The following DIP2C variants were observed in gnomAD, a reference collection of about 807,000 sequenced individuals.
The protein encoded by DIP2C is DIP2 acetate--CoA ligase C (putative).
DIP2C carries 33 observed loss-of-function variants against 192.4 expected under a neutral mutation model. The ratio of observed to expected loss-of-function variants is 0.17; its 90% CI spans 0.13 to 0.23. The LOEUF is 0.23. DIP2C is among the 10% of genes least tolerant of loss of function. DIP2C has a pLI of 1.00. For synonymous variants in DIP2C, 979 were observed against 864.1 expected (o/e 1.13, Z -2.33); for missense variants, 1,537 against 2,110.1 (o/e 0.73, Z 5.32).
chr10:441,061 C>T (rs1967688480), intron 3 of DIP2C, 65 bp from the exon 4 acceptor site: 2 of 1,541,312 alleles, frequency 1.3e-6, no homozygotes, highest in East Asian at 2.3e-5. Context: ...GCTGCACCCT[C>T]CTCTCTGTCC....
rs534479821 is a variant in DIP2C, at chr10:511,947, G to A, written c.86-25417C>T. On this transcript the variant is annotated intron_variant, in intron 1 of 36. Transcript: ENST00000280886. ...TCCAGCTGCTGCTGCCTGGCTGGCC[G>A]ACTGCGGGAGAAGAGCCTCTGGTAC... 1.4e-3 allele frequency among the ~76,000 whole-genome samples: 209 copies of A among 152,214 alleles called. 1 individual carries two copies. The highest frequency in any genetic ancestry group is 3.4e-3 in the Middle Eastern group (1 of 294).
intron 3 of DIP2C, among the ~76,000 whole-genome samples, chr10:452,471 G>C (rs1172717917): frequency 1.3e-5 from 2 of 152,176 alleles, no homozygotes; most frequent in Non-Finnish European, 2.9e-5. Context: ...ACTAAAGTGA[G>C]TCAGAATCTA....
rs999631161 is a variant in DIP2C, at chr10:289,957, A to G, written c.3987-1536T>C. Among the ~76,000 whole-genome samples, 3 of 152,236 alleles carry G rather than the reference A, an allele frequency of 2.0e-5. 1 individual carries two copies. Among genetic ancestry groups the G allele is most frequent in the Admixed American group, 6.5e-5 (1 of 15,288 alleles). On this transcript the variant is annotated intron_variant, in intron 32 of 36. Transcript: ENST00000280886. The stretch of plus-strand genomic sequence containing the variant: ...CTGGCTGTTGAGTGACTGAGGCCAC[A>G]GGACAATTCCTCCCCCCAGCCTGCT...
At chr10:614,101 G>A (rs963996155) in intron 1 of DIP2C, among the ~76,000 whole-genome samples, 7 of 152,190 alleles carry the variant, frequency 4.6e-5, no homozygotes, top group Admixed American at 3.3e-4. Flanking sequence ...CACACATCTG[G>A]ATTCAAGCTG....
At chr10:540,930 AAC>A (rs1847947230) in intron 1 of DIP2C, among the ~76,000 whole-genome samples, 1 of 152,172 alleles carries the variant, frequency 6.6e-6, no homozygotes, top group African/African-American at 2.4e-5. Context: ...TGATAGGACA[AAC>A]ACATGGTAGG....
chr10:524,651 T>G (rs1846942334), intron 1 of DIP2C, among the ~76,000 whole-genome samples: 5 of 152,210 alleles, frequency 3.3e-5, no homozygotes, highest in Non-Finnish European at 5.9e-5. Flanking sequence ...TCTCTAAGTA[T>G]TAGCGTTTTA....
intron 1 of DIP2C, chr10:649,910 CTGCGTCCCCG>C (rs1855745259): frequency 1.7e-6 from 1 of 581,436 alleles, no homozygotes; most frequent in Non-Finnish European, 3.1e-6. Context: ...TGCCCGTCAC[CTGCGTCCCCG>C]TGCGTCACGG....
intron 1 of DIP2C, among the ~76,000 whole-genome samples, chr10:661,587 C>A (rs1856764551): frequency 6.6e-6 from 1 of 152,192 alleles, no homozygotes; most frequent in African/African-American, 2.4e-5. Context: ...CGGCTCTGGG[C>A]TTTAGGGAAC....
chr10:490,724 T>C (rs1221774226), intron 1 of DIP2C, among the ~76,000 whole-genome samples: 1 of 152,052 alleles, frequency 6.6e-6, no homozygotes, highest in African/African-American at 2.4e-5. Context: ...GTGAGAAAAA[T>C]AAGTGATCTC....
At chr10:498,826 G>C (rs1333074878) in intron 1 of DIP2C, among the ~76,000 whole-genome samples, 1 of 152,148 alleles carries the variant, frequency 6.6e-6, no homozygotes, top group Admixed American at 6.5e-5. Flanking sequence ...CTGTGTGGGC[G>C]AATTAAGGAG....
intron 3 of DIP2C, among the ~76,000 whole-genome samples, chr10:456,459 G>A (rs1016019876): frequency 3.1e-5 from 4 of 128,618 alleles, no homozygotes; most frequent in African/African-American, 1.7e-4. Flanking sequence ...CCCTGCCTGA[G>A]GGGAGACTGT....
chr10:493,261 A>G (rs1844579192), intron 1 of DIP2C, among the ~76,000 whole-genome samples: 1 of 152,168 alleles, frequency 6.6e-6, no homozygotes, highest in Non-Finnish European at 1.5e-5. Context: ...GTGTCCTGGG[A>G]GTTAGAAATC....
intron 1 of DIP2C, among the ~76,000 whole-genome samples, chr10:560,483 T>C (rs967056381): frequency 3.9e-5 from 6 of 152,226 alleles, no homozygotes; most frequent in Non-Finnish European, 7.3e-5. Context: ...TCATAATGCC[T>C]GAAACTCGCG....
chr10:306,647 A>G (rs1384637097), intron 32 of DIP2C, among the ~76,000 whole-genome samples: 1 of 152,216 alleles, frequency 6.6e-6, no homozygotes, highest in Admixed American at 6.5e-5. Context: ...CAGTGCTTTT[A>G]GTGGCTCTCA....
At chr10:493,151 A>C (rs1198845510) in intron 1 of DIP2C, among the ~76,000 whole-genome samples, 1 of 152,244 alleles carries the variant, frequency 6.6e-6, no homozygotes, top group Non-Finnish European at 1.5e-5. Context: ...ATGCCCCAGC[A>C]GTCATCCTGG....
chr10:534,877 C>T (rs1252061746), intron 1 of DIP2C, among the ~76,000 whole-genome samples: 1 of 151,770 alleles, frequency 6.6e-6, no homozygotes, highest in Non-Finnish European at 1.5e-5. Flanking sequence ...GGGGTTTCAC[C>T]TTGTTAGCCA....
Position 324,941 on chromosome 10 carries a change from C to G in DIP2C, c.3924+2065G>C, listed in dbSNP as rs775794033. On this transcript the variant is annotated intron_variant, in intron 31 of 36. Coordinates refer to ENST00000280886, the MANE Select transcript of DIP2C (RefSeq NM_014974.3). ...TTTTCACGTATTTTATCTTCTCCTA[C>G]TGAGCGTACTCCTTCCTTGTAAACC... The G allele has an allele frequency of 5.6e-6, 3 of 533,168 alleles. No individual in the cohort carries two copies. The Admixed American group carries it at 5.8e-5, about 10-fold the overall frequency. The allele number at this position is 533,168 out of a possible 1,614,324, so 33.0% of individuals were successfully genotyped here.
At chr10:354,961 G>A (rs549860221) in intron 24 of DIP2C, among the ~76,000 whole-genome samples, 7 of 151,938 alleles carry the variant, frequency 4.6e-5, no homozygotes, top group East Asian at 2.0e-4. Context: ...CAAGGCCGGC[G>A]AACCTGGCGA....
chr10:405,088 G>A (rs1964706921), intron 9 of DIP2C, among the ~76,000 whole-genome samples: 1 of 152,242 alleles, frequency 6.6e-6, no homozygotes, highest in Admixed American at 6.5e-5. Context: ...CCATTCATGA[G>A]AACATGTTCA....
Sources: gnomAD v4.1 joint callset for allele counts (sites outside exome capture counted in the v4.1 genomes callset) on GRCh38, gnomAD v4.1.1 for gene constraint, MANE v1.5 for transcripts, NCBI Gene and HGNC (gene_info 2026-07-23, HGNC 2026-07-21) for gene names.